PTPRG: variants seen among roughly 807,000 people sequenced by gnomAD.
The protein encoded by PTPRG is receptor-type tyrosine-protein phosphatase gamma.
PTPRG carries 102 observed loss-of-function variants against 165.3 expected under a neutral mutation model. The observed-to-expected ratio is 0.62, with a 90% CI of 0.53 to 0.73. The LOEUF is 0.73. PTPRG is among the 30% of genes least tolerant of loss of function. The probability of loss-of-function intolerance (pLI) is 0.00; values close to 1 mark genes in which losing one functional copy is unlikely to be tolerated. For synonymous variants in PTPRG, 675 were observed against 669.5 expected (o/e 1.01, Z -0.13); for missense variants, 1,866 against 1,861.4 (o/e 1.00, Z -0.05).
chr3:62,193,653 C>T (rs992277378), intron 9 of PTPRG, among the ~76,000 whole-genome samples: 4 of 152,342 alleles, frequency 2.6e-5, no homozygotes, highest in Admixed American at 6.5e-5. Flanking sequence ...CTTTTCCAAA[C>T]GAGATCAGTG....
chr3:61,742,656 C>T lies in PTPRG; in HGVS notation c.86-6222C>T, dbSNP rs893386848. 1.9e-6 allele frequency: 3 copies of T among 1,604,930 alleles called. No individual in the cohort carries two copies. In the African/African-American group the frequency reaches 4.0e-5, roughly 21 times the overall value. The stretch of plus-strand genomic sequence containing the variant: ...TCATTTGGAACTTGATTGTGGACTT[C>T]ACCTCACCCACTTTGGCCACCATGT... On this transcript the variant is annotated intron_variant, in intron 1 of 29. Transcript: ENST00000474889.
At chr3:61,745,790 G>A (rs933299403) in intron 1 of PTPRG, among the ~76,000 whole-genome samples, 1 of 152,138 alleles carries the variant, frequency 6.6e-6, no homozygotes, top group African/African-American at 2.4e-5. Context: ...GTAGCCCAGG[G>A]TTAAGAGAGC....
chr3:61,650,957 C>A (rs956556126), intron 1 of PTPRG, among the ~76,000 whole-genome samples: 1 of 152,008 alleles, frequency 6.6e-6, no homozygotes, highest in Non-Finnish European at 1.5e-5. Flanking sequence ...CAATTTGAAC[C>A]TATATTTTTT....
chr3:62,146,674 G>C (rs1704135848), intron 6 of PTPRG, among the ~76,000 whole-genome samples: 4 of 151,922 alleles, frequency 2.6e-5, no homozygotes, highest in Admixed American at 2.0e-4. Flanking sequence ...GGAGTGCAGG[G>C]GTTGGCAAAA....
chr3:62,290,237 AT>A (rs1237000872), intron 28 of PTPRG, among the ~76,000 whole-genome samples: 1 of 152,132 alleles, frequency 6.6e-6, no homozygotes, highest in African/African-American at 2.4e-5. Context: ...GAGAAAAGAC[AT>A]TGTGTTCATG....
intron 8 of PTPRG, among the ~76,000 whole-genome samples, chr3:62,172,378 G>C (rs563743100): frequency 6.6e-6 from 1 of 152,208 alleles, no homozygotes; most frequent in South Asian, 2.1e-4. Context: ...AGTGTATGAG[G>C]GTTTCAATTT....
At chr3:61,897,561 A>T (rs1447710282) in intron 2 of PTPRG, among the ~76,000 whole-genome samples, 2 of 152,140 alleles carry the variant, frequency 1.3e-5, no homozygotes, top group Non-Finnish European at 2.9e-5. Context: ...TTTTGTAGCC[A>T]TTCTAGGGCC....
At chr3:61,685,348 T>C (rs2107132945) in intron 1 of PTPRG, among the ~76,000 whole-genome samples, 1 of 152,222 alleles carries the variant, frequency 6.6e-6, no homozygotes, top group Admixed American at 6.5e-5. Context: ...AGAAGAGGGT[T>C]GGTTAAAATT....
At chr3:62,246,813 C>T (rs1701298150) in intron 15 of PTPRG, among the ~76,000 whole-genome samples, 1 of 152,100 alleles carries the variant, frequency 6.6e-6, no homozygotes, top group African/African-American at 2.4e-5. Context: ...TGCTCAAAAC[C>T]TAAATAACAA....
intron 2 of PTPRG, among the ~76,000 whole-genome samples, chr3:61,869,366 A>C (rs2037496297): frequency 6.6e-6 from 1 of 152,164 alleles, no homozygotes; most frequent in Non-Finnish European, 1.5e-5. Context: ...GATCTTTGTG[A>C]GAAATAAAGT....
chr3:61,877,117 T>C (rs1463981849), intron 2 of PTPRG, among the ~76,000 whole-genome samples: 2 of 152,204 alleles, frequency 1.3e-5, no homozygotes, highest in Non-Finnish European at 2.9e-5. Context: ...AGTGTAGCAC[T>C]CCAGACATTA....
intron 1 of PTPRG, among the ~76,000 whole-genome samples, chr3:61,702,124 G>A (rs901606037): frequency 1.3e-5 from 2 of 152,056 alleles, no homozygotes; most frequent in African/African-American, 2.4e-5. Context: ...GAGTATAGGC[G>A]AGCACCACCA....
At chr3:61,880,158 T>C (rs2037844627) in intron 2 of PTPRG, among the ~76,000 whole-genome samples, 1 of 152,214 alleles carries the variant, frequency 6.6e-6, no homozygotes, top group Non-Finnish European at 1.5e-5. Context: ...TGAGTGCTTA[T>C]CAAATACCAG....
At chr3:61,600,192 A>G (rs13069057) in intron 1 of PTPRG, among the ~76,000 whole-genome samples, 84,928 of 107,152 alleles carry the variant, frequency 0.79, 36,235 homozygotes, top group Non-Finnish European at 0.94. Flanking sequence ...ATATATATAT[A>G]TGTGTGTGTG....
At chr3:62,275,472 G>A (rs1346126190) in intron 23 of PTPRG, among the ~76,000 whole-genome samples, 1 of 152,090 alleles carries the variant, frequency 6.6e-6, no homozygotes, top group African/African-American at 2.4e-5. Context: ...AAATAAGAAA[G>A]ATACAATCAA....
chr3:62,258,141 A>C (rs1273798926), intron 16 of PTPRG, among the ~76,000 whole-genome samples: 1 of 152,154 alleles, frequency 6.6e-6, no homozygotes, highest in Non-Finnish European at 1.5e-5. Flanking sequence ...TGCCCATTAC[A>C]TGATCTTTAT....
In PTPRG at chr3:62,219,720, A is replaced by C. The variant is rs1018213165; in HGVS notation, c.2288+737A>C. Among the ~76,000 whole-genome samples the C allele has an allele frequency of 1.3e-5, 2 of 152,046 alleles. No homozygotes were observed. Among genetic ancestry groups the C allele is most frequent in the African/African-American group, 4.8e-5 (2 of 41,396 alleles). On this transcript the variant is annotated intron_variant, in intron 13 of 29. Coordinates refer to ENST00000474889, the MANE Select transcript of PTPRG (RefSeq NM_002841.4). The surrounding 1 kb of genome is among the most constrained non-coding windows in gnomAD (Gnocchi z 4.5). Reference sequence around the variant, plus strand: ...TTCACCAGTGAGAAACAGGTGTCATATTTTCATCTCTCCCTCCCTTCTTTC... The same window carrying C: ...TTCACCAGTGAGAAACAGGTGTCATCTTTTCATCTCTCCCTCCCTTCTTTC...
At chr3:62,125,241 C>T (rs1703244889) in intron 5 of PTPRG, among the ~76,000 whole-genome samples, 1 of 152,146 alleles carries the variant, frequency 6.6e-6, no homozygotes, top group South Asian at 2.1e-4. Flanking sequence ...TTACCTACTC[C>T]TATGGAGGGA....
intron 1 of PTPRG, among the ~76,000 whole-genome samples, chr3:61,692,362 G>C (rs2030272601): frequency 6.6e-6 from 1 of 152,294 alleles, no homozygotes; most frequent in Admixed American, 6.5e-5. Flanking sequence ...ACTCCATAGA[G>C]TTGATGTATT....
Sources: allele counts gnomAD v4.1 joint callset (sites outside exome capture counted in the v4.1 genomes callset), GRCh38; gene constraint gnomAD v4.1.1; non-coding constraint Gnocchi (gnomAD v3.1); transcripts MANE v1.5; gene names NCBI Gene and HGNC (gene_info 2026-07-23, HGNC 2026-07-21).